The following SH3KBP1 variants were observed in gnomAD, a reference collection of about 807,000 sequenced individuals.
The protein encoded by SH3KBP1 is SH3 domain containing kinase binding protein 1, also known as SH3 domain-containing kinase-binding protein 1.
A neutral mutation model predicts 50.1 loss-of-function variants in SH3KBP1; 8 were observed. That is an observed-to-expected ratio of 0.16 (90% confidence interval 0.09 to 0.29). SH3KBP1 has a LOEUF of 0.29. Among genes scored for constraint, SH3KBP1 ranks in the 10% least tolerant of loss-of-function variants. The probability of loss-of-function intolerance (pLI) is 1.00; values close to 1 mark genes in which losing one functional copy is unlikely to be tolerated. For missense variants in SH3KBP1, 377 were observed against 535.2 expected (o/e 0.70, Z 2.92); for synonymous variants, 227 against 218.6 (o/e 1.04, Z -0.34).
intron 3 of SH3KBP1, among the ~76,000 whole-genome samples, chrX:19,725,291 C>CT (rs1325743870): frequency 1.1e-4 from 8 of 69,716 alleles, no homozygotes; most frequent in African/African-American, 5.2e-4. Flanking sequence ...TGTCTCTACT[C>CT]TAAAAAAAAA....
At chrX:19,692,278 C>T (rs769284298) in intron 5 of SH3KBP1, among the ~76,000 whole-genome samples, 2 of 111,008 alleles carry the variant, frequency 1.8e-5, no homozygotes, top group East Asian at 2.8e-4. Flanking sequence ...TAACCAACCA[C>T]GATATGGAAA....
rs756312551 is a variant in SH3KBP1 at position 19,599,818 on chromosome X, T to TA, written c.1006-4819dup. On this transcript the variant is annotated intron_variant, in intron 9 of 17. Transcript: ENST00000397821. ...CTGTCCCCCTCCCCAAAATGATTCATAAAGTATTGCACATGGGCCTACAAT... is the reference window on the plus strand; with the variant it reads ...CTGTCCCCCTCCCCAAAATGATTCATAAAAGTATTGCACATGGGCCTACAAT... Among the ~76,000 whole-genome samples the TA allele has an allele frequency of 1.3e-4, 15 of 111,524 alleles. No homozygotes were observed. In the South Asian group the frequency reaches 5.2e-3, roughly 39 times the overall value.
chrX:19,754,892 A>T (rs773848825), intron 2 of SH3KBP1, among the ~76,000 whole-genome samples: 13 of 112,264 alleles, frequency 1.2e-4, no homozygotes, highest in Non-Finnish European at 2.3e-4. Flanking sequence ...CTTTTTTAAA[A>T]AAACAAGTAA....
At chrX:19,621,292 T>C (rs2067831100) in intron 8 of SH3KBP1, among the ~76,000 whole-genome samples, 1 of 102,878 alleles carries the variant, frequency 9.7e-6, no homozygotes, top group South Asian at 4.7e-4. Context: ...GGTTTCACCA[T>C]GTTAGCCAGG....
intron 6 of SH3KBP1, chrX:19,648,198 A>C: frequency 3.3e-6 from 1 of 307,436 alleles, no homozygotes; most frequent in South Asian, 3.5e-5. Context: ...AACATTGCTG[A>C]GGGAAACATG....
At chrX:19,654,177 T>A (rs915571024) in intron 6 of SH3KBP1, among the ~76,000 whole-genome samples, 4 of 111,800 alleles carry the variant, frequency 3.6e-5, no homozygotes, top group African/African-American at 1.3e-4. Flanking sequence ...TCATTTATCA[T>A]GTAGTTTAAC....
At chrX:19,782,726 AG>A (rs1356607363) in intron 2 of SH3KBP1, among the ~76,000 whole-genome samples, 9 of 112,064 alleles carry the variant, frequency 8.0e-5, no homozygotes, top group African/African-American at 2.9e-4. Context: ...CTTTTCAGAC[AG>A]ACCTCAGCTC....
chrX:19,833,706 C>T (rs2067981033), intron 2 of SH3KBP1, among the ~76,000 whole-genome samples: 1 of 111,053 alleles, frequency 9.0e-6, no homozygotes, highest in African/African-American at 3.3e-5. Flanking sequence ...TATCCTTCCC[C>T]ACAGTCTTCC....
chrX:19,784,910 G>T (rs1310766771), intron 2 of SH3KBP1, among the ~76,000 whole-genome samples: 1 of 111,416 alleles, frequency 9.0e-6, no homozygotes, highest in Admixed American at 9.5e-5. Context: ...CGCCCAGCCT[G>T]GGATTTTCAG....
intron 9 of SH3KBP1, among the ~76,000 whole-genome samples, chrX:19,603,462 G>C (rs540592664): frequency 1.8e-5 from 2 of 111,978 alleles, no homozygotes; most frequent in African/African-American, 6.5e-5. Flanking sequence ...CTCAGCAAAG[G>C]CGAGCCTGCA....
At chrX:19,687,977 C>G (rs1028687046) in intron 5 of SH3KBP1, among the ~76,000 whole-genome samples, 12 of 112,224 alleles carry the variant, frequency 1.1e-4, no homozygotes, top group African/African-American at 3.2e-4. Flanking sequence ...CAGTTTAAAC[C>G]TGGAAGCCCT....
chrX:19,798,056 T>C (rs1157823191), intron 2 of SH3KBP1, among the ~76,000 whole-genome samples: 3 of 111,183 alleles, frequency 2.7e-5, no homozygotes, highest in Non-Finnish European at 5.7e-5. Context: ...TTCAGATGAC[T>C]GCTCGGCAGT....
At chrX:19,626,892 G>A (rs1001251298) in intron 8 of SH3KBP1, among the ~76,000 whole-genome samples, 2 of 111,416 alleles carry the variant, frequency 1.8e-5, no homozygotes, top group African/African-American at 6.5e-5. Flanking sequence ...TCTCTAGGGT[G>A]TGTCTATCAG....
Position 19,588,710 on chromosome X carries a change from G to A in SH3KBP1, c.1231C>T (p.Leu411Phe). The change falls in exon 12 of 18, where the codon CTC becomes TTC. Residue 411 changes from leucine to phenylalanine, a missense_variant. Coordinates refer to ENST00000397821, the MANE Select transcript of SH3KBP1 (RefSeq NM_031892.3). ...KKPRPPKTNS[L>F]SRPGALPPRR... is the part of the protein sequence containing the mutation. ...GGGGGCAGTGCGCCAGGTCTGCTGA[G>A]AGAATTGGTCTTAGGTGGCCGAGGC... The A allele has an allele frequency of 8.3e-7, 1 of 1,208,812 alleles. No homozygotes were observed. The highest frequency in any genetic ancestry group is 1.1e-6 in the Non-Finnish European group (1 of 894,358).
intron 6 of SH3KBP1, among the ~76,000 whole-genome samples, chrX:19,681,230 A>G (rs2063043624): frequency 8.9e-6 from 1 of 112,104 alleles, no homozygotes; most frequent in Admixed American, 9.4e-5. Flanking sequence ...GCACACACAT[A>G]TATGTGTCTG....
chrX:19,689,416 C>T (rs1202447669), intron 5 of SH3KBP1, among the ~76,000 whole-genome samples: 1 of 112,052 alleles, frequency 8.9e-6, no homozygotes, highest in African/African-American at 3.2e-5. Context: ...GGCAGTATTT[C>T]GATAATGTTC....
intron 1 of SH3KBP1, among the ~76,000 whole-genome samples, chrX:19,876,020 T>C (rs1316335396): frequency 2.7e-5 from 3 of 111,872 alleles, no homozygotes; most frequent in East Asian, 2.8e-4. Context: ...GTCCTTACTA[T>C]ATATACAACA....
In SH3KBP1 at chrX:19,842,062, G is replaced by A. The variant is rs186017528; in HGVS notation, c.5-5780C>T. 6.1e-3 allele frequency among the ~76,000 whole-genome samples: 681 copies of A among 111,430 alleles called. 6 individuals are homozygous for A. The highest frequency in any genetic ancestry group is 0.021 in the African/African-American group (647 of 30,660). On this transcript the variant is annotated intron_variant, in intron 1 of 17. Transcript: ENST00000397821. Reference sequence around the variant, plus strand: ...AACCAATCAGTGGCTGCCTAGGGCCGGGGATGGGAATGGGGATGGACTGCA... The same window carrying A: ...AACCAATCAGTGGCTGCCTAGGGCCAGGGATGGGAATGGGGATGGACTGCA...
At chrX:19,705,989 ACT>A (rs1230908321) in intron 4 of SH3KBP1, among the ~76,000 whole-genome samples, 1 of 111,053 alleles carries the variant, frequency 9.0e-6, no homozygotes, top group Non-Finnish European at 1.9e-5. Context: ...GTTAAATAAA[ACT>A]CTGACACATG....
Sources: gnomAD v4.1 joint callset for allele counts (sites outside exome capture counted in the v4.1 genomes callset) on GRCh38, gnomAD v4.1.1 for gene constraint, MANE v1.5 for transcripts, NCBI Gene and HGNC (gene_info 2026-07-23, HGNC 2026-07-21) for gene names.